Variants in GRID1 observed in about 807,000 individuals in gnomAD.
The protein encoded by GRID1 is glutamate ionotropic receptor delta type subunit 1, also known as glutamate receptor ionotropic, delta-1.
GRID1 carries 28 observed loss-of-function variants against 98.0 expected under a neutral mutation model. The observed-to-expected ratio is 0.29, with a 90% CI of 0.21 to 0.39. The LOEUF is 0.39. Among genes scored for constraint, GRID1 ranks in the 10% least tolerant of loss-of-function variants. The pLI is 1.00. For synonymous variants in GRID1, 553 were observed against 538.5 expected (o/e 1.03, Z -0.37); for missense variants, 1,111 against 1,340.5 (o/e 0.83, Z 2.67).
At chr10:86,181,425 C>A (rs1385451450) in intron 3 of GRID1, among the ~76,000 whole-genome samples, 1 of 152,126 alleles carries the variant, frequency 6.6e-6, no homozygotes, top group Non-Finnish European at 1.5e-5. Flanking sequence ...TAACATGAAC[C>A]CAGAGAGGGA....
At chr10:85,986,927 A>G (rs1842615252) in intron 4 of GRID1, among the ~76,000 whole-genome samples, 1 of 152,170 alleles carries the variant, frequency 6.6e-6, no homozygotes, top group African/African-American at 2.4e-5. Context: ...TCTCAGAAGC[A>G]GCAGCTCCAT....
intron 3 of GRID1, among the ~76,000 whole-genome samples, chr10:86,191,717 C>T (rs1368216446): frequency 1.3e-5 from 2 of 152,172 alleles, no homozygotes; most frequent in Non-Finnish European, 2.9e-5. Flanking sequence ...GTCATGGCTC[C>T]AGGACCATCT....
intron 4 of GRID1, among the ~76,000 whole-genome samples, chr10:86,096,448 C>A (rs767918589): frequency 8.5e-5 from 13 of 152,210 alleles, no homozygotes; most frequent in Non-Finnish European, 1.3e-4. Flanking sequence ...TCTTGCTCAA[C>A]CAGTTAATTA....
intron 15 of GRID1, among the ~76,000 whole-genome samples, 189 bp from the exon 16 acceptor site, chr10:85,602,890 G>T (rs1590153647): frequency 6.6e-6 from 1 of 152,142 alleles, no homozygotes; most frequent in Non-Finnish European, 1.5e-5. Context: ...AGAAGCCAGG[G>T]GGGAGACATG....
rs540114246 is a variant in GRID1 at position 86,113,616 on chromosome 10, C to T, written c.726+25203G>A. Among the ~76,000 whole-genome samples the T allele has an allele frequency of 2.0e-5, 3 of 152,228 alleles. No individual in the cohort carries two copies. The South Asian group carries it at 6.2e-4, about 32-fold the overall frequency. The stretch of plus-strand genomic sequence containing the variant: ...CCTCTCTCACATAAAATGCAAGTTC[C>T]ATAGGTGTGGTGGCCTCGCCTGGTT... On this transcript the variant is annotated intron_variant, in intron 4 of 15. Transcript: ENST00000327946.
Position 85,729,461 on chromosome 10 carries a change from T to C in GRID1, c.1335+52A>G, listed in dbSNP as rs149840940. The C allele has an allele frequency of 4.1e-4, 430 of 1,039,954 alleles. 1 individual carries two copies. In the African/African-American group the frequency reaches 5.8e-3, roughly 14 times the overall value. 64.4% of individuals were successfully genotyped at this position (1,039,954 alleles called of 1,614,324 possible). The stretch of plus-strand genomic sequence containing the variant: ...GCATTAAACAGAAAGCAGCCTCTGA[T>C]TCAACAGCCTGGATGGTGTAGCTCG... On this transcript the variant is annotated intron_variant, in intron 9 of 15. Coordinates refer to ENST00000327946, the MANE Select transcript of GRID1 (RefSeq NM_017551.3).
chr10:85,882,385 A>G (rs980513999), intron 5 of GRID1, among the ~76,000 whole-genome samples: 30 of 152,202 alleles, frequency 2.0e-4, no homozygotes, highest in Admixed American at 3.9e-4. Context: ...AATGTCCAAC[A>G]ATGATAGACT....
At chr10:85,723,289 T>A (rs1396108747) in intron 11 of GRID1, 148 bp from the exon 12 acceptor site, 6 of 702,264 alleles carry the variant, frequency 8.5e-6, no homozygotes, top group Non-Finnish European at 1.1e-5. Context: ...GGTCTGGGCA[T>A]CTGTGCCAAT....
intron 13 of GRID1, among the ~76,000 whole-genome samples, chr10:85,635,445 A>C (rs895393561): frequency 6.6e-5 from 10 of 152,076 alleles, no homozygotes; most frequent in African/African-American, 2.4e-4. Context: ...CCCTTACTGC[A>C]AGTGGACCCC....
chr10:85,608,535 T>C (rs2132508533), intron 15 of GRID1, among the ~76,000 whole-genome samples: 1 of 152,348 alleles, frequency 6.6e-6, no homozygotes, highest in East Asian at 1.9e-4. Context: ...GAGCTAATGT[T>C]CTTGGTAAAG....
At chr10:86,323,393 T>C (rs1389106585) in intron 2 of GRID1, among the ~76,000 whole-genome samples, 11 of 152,254 alleles carry the variant, frequency 7.2e-5, no homozygotes, top group Admixed American at 2.6e-4. Context: ...TAGCAGTCAC[T>C]GTTCCTGAGG....
chr10:85,970,787 T>C (rs1165349699), intron 4 of GRID1, among the ~76,000 whole-genome samples: 1 of 152,054 alleles, frequency 6.6e-6, no homozygotes, highest in Non-Finnish European at 1.5e-5. Context: ...GATATCCACT[T>C]TTGCAACTTC....
At chr10:85,951,914 G>A (rs763728633) in intron 4 of GRID1, among the ~76,000 whole-genome samples, 2 of 152,214 alleles carry the variant, frequency 1.3e-5, no homozygotes, top group African/African-American at 4.8e-5. Flanking sequence ...GGGTGAGGCC[G>A]ACGCCTTGCC....
intron 8 of GRID1, among the ~76,000 whole-genome samples, chr10:85,808,534 C>T (rs1842642468): frequency 6.6e-6 from 1 of 152,206 alleles, no homozygotes; most frequent in South Asian, 2.1e-4. Context: ...TCTGGAAATA[C>T]GTTAAACTTT....
chr10:86,311,327 G>A (rs1847829247), intron 2 of GRID1, among the ~76,000 whole-genome samples: 1 of 152,206 alleles, frequency 6.6e-6, no homozygotes, highest in Non-Finnish European at 1.5e-5. Context: ...AGCAGGAGGA[G>A]GATATCCTGG....
chr10:86,113,868 A>G (rs989148057), intron 4 of GRID1, among the ~76,000 whole-genome samples: 3 of 152,264 alleles, frequency 2.0e-5, no homozygotes, highest in African/African-American at 7.2e-5. Context: ...ACTAATGGGT[A>G]GAAGCCACAG....
intron 5 of GRID1, among the ~76,000 whole-genome samples, chr10:85,895,001 CA>C (rs60119755): frequency 0.076 from 7,873 of 103,506 alleles, 266 homozygotes; most frequent in Middle Eastern, 0.14. Flanking sequence ...CTGGGACTCT[CA>C]AAAAAAAAAA....
chr10:86,032,829 T>TAA (rs58350170), intron 4 of GRID1, among the ~76,000 whole-genome samples: 3,289 of 109,820 alleles, frequency 0.03, 129 homozygotes, highest in East Asian at 0.094. Flanking sequence ...AATAAATACT[T>TAA]AAAAAAAAAA....
chr10:86,334,753 C>A (rs979559725), intron 2 of GRID1, among the ~76,000 whole-genome samples: 1 of 152,180 alleles, frequency 6.6e-6, no homozygotes, highest in African/African-American at 2.4e-5. Flanking sequence ...AGGAGGAAAC[C>A]GAGGCTCCCT....
Sources: gnomAD v4.1 joint callset for allele counts (sites outside exome capture counted in the v4.1 genomes callset) on GRCh38, gnomAD v4.1.1 for gene constraint, MANE v1.5 for transcripts, NCBI Gene and HGNC (gene_info 2026-07-23, HGNC 2026-07-21) for gene names.